The following CDC45 variants were observed in gnomAD, a reference collection of about 807,000 sequenced individuals.
The protein encoded by CDC45 is cell division cycle 45.
CDC45 carries 54 observed loss-of-function variants against 77.8 expected under a neutral mutation model. That is an observed-to-expected ratio of 0.69 (90% CI 0.56 to 0.87). The LOEUF (loss-of-function observed/expected upper bound fraction) is 0.87. Among genes scored for constraint, CDC45 ranks in the 40% least tolerant of loss-of-function variants. The pLI is 0.00. For missense variants in CDC45, 649 were observed against 721.6 expected (o/e 0.90, Z 1.15); for synonymous variants, 260 against 272.1 (o/e 0.96, Z 0.44).
intron 5 of CDC45, among the ~76,000 whole-genome samples, chr22:19,493,767 AG>A (rs1329202313): frequency 6.6e-6 from 1 of 152,114 alleles, no homozygotes; most frequent in African/African-American, 2.4e-5. Context: ...ATGATGTCGA[AG>A]GGTTTTCGGT....
intron 6 of CDC45, among the ~76,000 whole-genome samples, chr22:19,495,134 G>A (rs1482650421): frequency 1.3e-5 from 2 of 152,188 alleles, no homozygotes; most frequent in East Asian, 3.9e-4. Flanking sequence ...TAATCACACT[G>A]CCTAATTAAA....
chr22:19,499,961 C>A (rs1371379812), intron 9 of CDC45, among the ~76,000 whole-genome samples: 1 of 152,240 alleles, frequency 6.6e-6, no homozygotes, highest in Non-Finnish European at 1.5e-5. Context: ...CCTGCCTCCC[C>A]AGCCCTGCCC....
rs558270305 is a variant in CDC45 at position 19,505,329 on chromosome 22, A to G, written c.705-33A>G. The G allele has an allele frequency of 3.1e-6, 5 of 1,613,760 alleles. No homozygotes were observed. The Admixed American group carries it at 5.0e-5, about 16-fold the overall frequency. On this transcript the variant is annotated intron_variant, in intron 9 of 18. Transcript: ENST00000263201. ...GGCTGCCTGGTAAGAGCTGGAGGGA[A>G]CCAGCCGAGGCTTGTGCTACTTTTT... is the stretch of plus-strand genomic sequence containing the variant.
At chr22:19,481,131 G>A (rs1228532148) in intron 3 of CDC45, 86 bp downstream of exon 3, 4 of 890,532 alleles carry the variant, frequency 4.5e-6, no homozygotes, top group South Asian at 1.4e-5. Flanking sequence ...GATAGATTAA[G>A]CGTGTATTTA....
chr22:19,494,170 C>T (rs2090200537), intron 5 of CDC45, among the ~76,000 whole-genome samples, 157 bp from the exon 6 acceptor site: 1 of 152,176 alleles, frequency 6.6e-6, no homozygotes, highest in South Asian at 2.1e-4. Flanking sequence ...TGCCTCTCTT[C>T]CGTAGGAACA....
At chr22:19,514,638 AC>A (rs1568936120) in intron 13 of CDC45, 110 bp from the exon 14 acceptor site, 1 of 831,414 alleles carries the variant, frequency 1.2e-6, no homozygotes, top group Non-Finnish European at 1.9e-6. Flanking sequence ...ATAAATTCTT[AC>A]CCCCAAACCT....
At chr22:19,506,826 C>T (rs1601969367) in intron 10 of CDC45, among the ~76,000 whole-genome samples, 1 of 151,680 alleles carries the variant, frequency 6.6e-6, no homozygotes, top group Non-Finnish European at 1.5e-5. Flanking sequence ...CCCAGCTATT[C>T]GGGAGGCTGA....
intron 7 of CDC45, among the ~76,000 whole-genome samples, chr22:19,496,477 A>G (rs764304474): frequency 6.6e-6 from 1 of 152,256 alleles, no homozygotes; most frequent in Non-Finnish European, 1.5e-5. Flanking sequence ...GCCCTAGAAA[A>G]TAAGTTTCAA....
rs879086752 is a variant in CDC45, at chr22:19,518,771, G to A, written c.1637-73G>A. The A allele has an allele frequency of 4.6e-5, 55 of 1,208,374 alleles. No homozygotes were observed. The South Asian group carries it at 6.5e-4, about 14-fold the overall frequency. 74.9% of individuals were successfully genotyped at this position (1,208,374 alleles called of 1,614,324 possible). The stretch of plus-strand genomic sequence containing the variant: ...GGAATGCAGTGGAGGGCAGGCAGCG[G>A]AGGGGAGTTCTGTGCCCTGTCTTGT... On this transcript the variant is annotated intron_variant, in intron 17 of 18. Coordinates refer to ENST00000263201, the MANE Select transcript of CDC45 (RefSeq NM_003504.5).
Position 19,494,916 on chromosome 22 carries a change from G to A in CDC45, c.542+534G>A, listed in dbSNP as rs13447216. On this transcript the variant is annotated intron_variant, in intron 6 of 18. Transcript: ENST00000263201. ...CCTCGGATAAGGACAACGTAAGACA[G>A]GTGTGGTGGCTCATGCCTGTATTCC... is the stretch of plus-strand genomic sequence containing the variant. Among the ~76,000 whole-genome samples, 470 of 152,306 alleles carry A rather than the reference G, an allele frequency of 3.1e-3. 1 individual carries two copies. The highest frequency in any genetic ancestry group is 5.5e-3 in the Non-Finnish European group (371 of 68,036).
At chr22:19,480,243 CG>C in intron 2 of CDC45, 26 bp downstream of exon 2, 1 of 1,608,806 alleles carries the variant, frequency 6.2e-7, no homozygotes. Flanking sequence ...CCTAGGAGGG[CG>C]GGGCCGGCGC....
rs1233833238 is a variant in CDC45 at position 19,508,532 on chromosome 22, T to C, written c.1058T>C (p.Met353Thr). The C allele has an allele frequency of 6.2e-7, 1 of 1,614,218 alleles. No individual in the cohort carries two copies. Among genetic ancestry groups the C allele is most frequent in the East Asian group, 2.2e-5 (1 of 44,882 alleles). The change falls in exon 13 of 19, where the codon ATG becomes ACG. Residue 353 changes from methionine (M) to threonine (T), a missense_variant and splice_region_variant. Physicochemically the swap from Met to Thr is moderately conservative, Grantham distance 81. Transcript: ENST00000263201. The stretch of plus-strand genomic sequence containing the variant: ...AGCTGTGTTTGCTCCCATGACAGGA[T>C]GAAGGACATGCGCGTGCAGACTTTC... ...MIEESANKFGMKDMRVQTFSI... is the reference protein window; with the variant it reads ...MIEESANKFGTKDMRVQTFSI...
At chr22:19,485,999 G>A (rs770185183) in intron 5 of CDC45, among the ~76,000 whole-genome samples, 1 of 152,234 alleles carries the variant, frequency 6.6e-6, no homozygotes, top group Non-Finnish European at 1.5e-5. Context: ...ATAGATTGCA[G>A]AAACTGATAT....
intron 9 of CDC45, 67 bp downstream of exon 9, chr22:19,499,218 T>C: frequency 6.5e-7 from 1 of 1,540,164 alleles, no homozygotes; most frequent in Non-Finnish European, 9.0e-7. Flanking sequence ...AGCCTGACCA[T>C]AGCCACTAAG....
chr22:19,497,365 G>T, intron 7 of CDC45, 21 bp from the exon 8 acceptor site: 1 of 1,613,422 alleles, frequency 6.2e-7, no homozygotes, highest in South Asian at 1.1e-5. Flanking sequence ...ATGAGCCTTA[G>T]ACTTCTCTGC....
chr22:19,489,613 T>C (rs972179959), intron 5 of CDC45, among the ~76,000 whole-genome samples: 1 of 152,246 alleles, frequency 6.6e-6, no homozygotes, highest in Non-Finnish European at 1.5e-5. Flanking sequence ...GTTTTCAGTG[T>C]ATAAATTTTC....
At chr22:19,498,748 C>G (rs916396688) in intron 8 of CDC45, among the ~76,000 whole-genome samples, 1 of 152,234 alleles carries the variant, frequency 6.6e-6, no homozygotes, top group African/African-American at 2.4e-5. Context: ...ATCAACTCCA[C>G]TCCGAGTGTT....
chr22:19,485,776 C>T (rs1273547244), intron 5 of CDC45, among the ~76,000 whole-genome samples: 1 of 151,902 alleles, frequency 6.6e-6, no homozygotes, highest in Non-Finnish European at 1.5e-5. Flanking sequence ...AGTGAATATC[C>T]ATGTACCTTC....
At chr22:19,507,171 G>A (rs1050643896) in intron 10 of CDC45, among the ~76,000 whole-genome samples, 2 of 152,200 alleles carry the variant, frequency 1.3e-5, no homozygotes, top group Admixed American at 6.5e-5. Flanking sequence ...CCTGTCAGAC[G>A]GATGGTGGTC....
Sources: allele counts gnomAD v4.1 joint callset (sites outside exome capture counted in the v4.1 genomes callset), GRCh38; gene constraint gnomAD v4.1.1; transcripts MANE v1.5; gene names NCBI Gene and HGNC (gene_info 2026-07-23, HGNC 2026-07-21).